The following ROCK1 variants were observed in gnomAD, a reference collection of about 807,000 sequenced individuals.
The protein encoded by ROCK1 is rho-associated protein kinase 1.
A neutral mutation model predicts 196.8 loss-of-function variants in ROCK1; 36 were observed. The ratio of observed to expected loss-of-function variants is 0.18; its 90% CI spans 0.14 to 0.24. The LOEUF (loss-of-function observed/expected upper bound fraction) is 0.24, where lower values mean the gene tolerates loss of function less well. Ranked by LOEUF, ROCK1 falls within the 10% of genes least tolerant of loss-of-function variation. The pLI is 1.00. For missense variants in ROCK1, 920 were observed against 1,562.0 expected (o/e 0.59, Z 6.93); for synonymous variants, 443 against 515.9 (o/e 0.86, Z 1.91).
intron 9 of ROCK1, among the ~76,000 whole-genome samples, chr18:21,035,126 A>C (rs552712126): frequency 2.2e-4 from 34 of 152,314 alleles, no homozygotes; most frequent in African/African-American, 8.2e-4. Context: ...CACAAAAAAC[A>C]AACAAACAAA....
At chr18:21,075,683 G>C (rs765178420) in intron 1 of ROCK1, among the ~76,000 whole-genome samples, 4 of 152,278 alleles carry the variant, frequency 2.6e-5, no homozygotes, top group South Asian at 4.1e-4. Flanking sequence ...GCTGGGCATG[G>C]TGGCTCACAC....
chr18:21,033,465 T>G (rs1224754090), intron 9 of ROCK1, among the ~76,000 whole-genome samples: 2 of 152,044 alleles, frequency 1.3e-5, no homozygotes, highest in Non-Finnish European at 2.9e-5. Flanking sequence ...AACACTTTAC[T>G]GGAAGCTCTA....
chr18:21,026,445 GAAAAAAAAA>G (rs747563785), intron 10 of ROCK1, among the ~76,000 whole-genome samples: 2 of 35,308 alleles, frequency 5.7e-5, no homozygotes, highest in South Asian at 8.6e-4. Flanking sequence ...ACTCTGTCTC[GAAAAAAAAA>G]AAAAAAAAAA....
intron 1 of ROCK1, among the ~76,000 whole-genome samples, chr18:21,101,271 T>C (rs2036657307): frequency 6.6e-6 from 1 of 152,158 alleles, no homozygotes; most frequent in Admixed American, 6.6e-5. Flanking sequence ...GGGATTCAGT[T>C]AAAGATCATG....
At chr18:20,997,758 T>G (rs2035684729) in intron 16 of ROCK1, among the ~76,000 whole-genome samples, 1 of 151,630 alleles carries the variant, frequency 6.6e-6, no homozygotes, top group Non-Finnish European at 1.5e-5. Context: ...CTTGAAAAAT[T>G]CAAAAAAAGT....
Position 21,020,214 on chromosome 18 carries a change from T to C in ROCK1, c.1298A>G (p.Tyr433Cys), listed in dbSNP as rs2035902572. ...ATTATGCAGCTGTTCTTCCAGCTTA[T>C]AGATTGTTTTTTGCAAACTTTCCTG... ...SLQESLQKTIYKLEEQLHNEM... is the reference protein window; with the variant it reads ...SLQESLQKTICKLEEQLHNEM... Residue 433 changes from tyrosine to cysteine, a missense_variant, in exon 12 of 33, where the codon TAT (tyrosine) becomes TGT (cysteine). By Grantham distance (194) the Tyr-to-Cys change is radical. This residue lies in a region of ROCK1 where 520 missense variants were observed against 657.1 expected (regional missense o/e 0.79). Coordinates refer to ENST00000399799, the MANE Select transcript of ROCK1 (RefSeq NM_005406.3). 2.5e-6 allele frequency: 4 copies of C among 1,594,186 alleles called. No individual in the cohort carries two copies. The highest frequency in any genetic ancestry group is 1.8e-5 in the Admixed American group (1 of 56,574).
intron 12 of ROCK1, 142 bp downstream of exon 12, chr18:21,020,009 G>A: frequency 2.2e-6 from 1 of 460,168 alleles, no homozygotes; most frequent in East Asian, 3.7e-5. Flanking sequence ...TTCTAGCCGA[G>A]ACACATCATG....
intron 14 of ROCK1, among the ~76,000 whole-genome samples, chr18:21,007,671 TTC>T (rs1296212149): frequency 6.6e-6 from 1 of 152,098 alleles, no homozygotes; most frequent in Non-Finnish European, 1.5e-5. Flanking sequence ...GGTTTAGAAG[TTC>T]TTAGACGCAG....
intron 6 of ROCK1, 58 bp downstream of exon 6, chr18:21,044,044 T>G (rs2036134188): frequency 9.8e-7 from 1 of 1,023,690 alleles, no homozygotes; most frequent in African/African-American, 1.6e-5. Context: ...TAAACCATTT[T>G]CTAAAGAAGC....
chr18:20,970,821 G>A (rs772619802), intron 22 of ROCK1, among the ~76,000 whole-genome samples: 92 of 152,286 alleles, frequency 6.0e-4, no homozygotes, highest in Middle Eastern at 3.4e-3. Context: ...GGAAGGCAGC[G>A]TGGCATAGTG....
At chr18:20,996,250 C>T (rs1408667858) in intron 16 of ROCK1, among the ~76,000 whole-genome samples, 1 of 152,054 alleles carries the variant, frequency 6.6e-6, no homozygotes, top group African/African-American at 2.4e-5. Context: ...AGCTGAAATT[C>T]CGGAGTTGAA....
At chr18:21,077,478 TC>T (rs1452155019) in intron 1 of ROCK1, among the ~76,000 whole-genome samples, 1 of 152,110 alleles carries the variant, frequency 6.6e-6, no homozygotes, top group Non-Finnish European at 1.5e-5. Flanking sequence ...CTGGTGCTGC[TC>T]ATAAAGGCTA....
At chr18:21,044,523 C>G (rs1404311921) in intron 5 of ROCK1, among the ~76,000 whole-genome samples, 1 of 151,928 alleles carries the variant, frequency 6.6e-6, no homozygotes, top group Non-Finnish European at 1.5e-5. Context: ...TAAAAAAACC[C>G]CACGGCAGGG....
rs2035133536 is a variant in ROCK1 at position 20,946,915 on chromosome 18, TAATTC to T, written c.*4464_*4468del. On this transcript the variant is annotated 3_prime_UTR_variant, in exon 33 of 33. Coordinates refer to ENST00000399799, the MANE Select transcript of ROCK1 (RefSeq NM_005406.3). ...CAGTTATCCAGGCAAATGAACCACT[TAATTC>T]AATTTAATAGCCAAACCATCCTACA... is the stretch of plus-strand genomic sequence containing the variant. 6.6e-6 allele frequency: 1 copy of T among 152,204 alleles called. No homozygotes were observed. The highest frequency in any genetic ancestry group is 1.5e-5 in the Non-Finnish European group (1 of 68,032). 9.4% of individuals were successfully genotyped at this position (152,204 alleles called of 1,614,324 possible). A position where few individuals can be genotyped will look rare whatever the true frequency, so the allele number is the denominator to read the frequency against.
At chr18:21,085,751 G>C (rs1445359766) in intron 1 of ROCK1, among the ~76,000 whole-genome samples, 1 of 152,184 alleles carries the variant, frequency 6.6e-6, no homozygotes, top group African/African-American at 2.4e-5. Context: ...GTGATCTTGA[G>C]CAAGTTATTT....
At position 21,056,866 on chromosome 18, in the gene ROCK1, C is replaced by T. The variant is rs138499104; in HGVS notation, c.176-6986G>A. The stretch of plus-strand genomic sequence containing the variant: ...CAGGTACACTCTCCTCCCTTCAGGC[C>T]TTTGCACTAGCTGCTCCTCTGTATG... On this transcript the variant is annotated intron_variant, in intron 2 of 32. Transcript: ENST00000399799. Among the ~76,000 whole-genome samples, 1,293 of 152,302 alleles carry T rather than the reference C, an allele frequency of 8.5e-3. 5 individuals are homozygous for T. The highest frequency in any genetic ancestry group is 0.014 in the Middle Eastern group (4 of 294).
intron 27 of ROCK1, among the ~76,000 whole-genome samples, chr18:20,963,693 A>G (rs1166047203): frequency 6.6e-6 from 1 of 152,156 alleles, no homozygotes; most frequent in Non-Finnish European, 1.5e-5. Flanking sequence ...GTCTAGGTTA[A>G]CAGTTCCAAA....
Position 20,978,463 on chromosome 18 carries a change from G to A in ROCK1, c.2654+1447C>T, listed in dbSNP as rs185629737. 1.4e-3 allele frequency among the ~76,000 whole-genome samples: 214 copies of A among 152,220 alleles called. 2 individuals carry two copies. The highest frequency in any genetic ancestry group is 3.8e-4 in the Non-Finnish European group (26 of 68,002). ...ATATCTGTACCATCTATTATAATAT[G>A]GTAGACACTAACTGCATGTGACTAC... On this transcript the variant is annotated intron_variant, in intron 22 of 32. Coordinates refer to ENST00000399799, the MANE Select transcript of ROCK1 (RefSeq NM_005406.3).
At chr18:21,054,922 C>A (rs567525085) in intron 2 of ROCK1, among the ~76,000 whole-genome samples, 1 of 152,210 alleles carries the variant, frequency 6.6e-6, no homozygotes, top group South Asian at 2.1e-4. Context: ...AGCTTTCCTG[C>A]TTAGTTCCTC....
Sources: allele counts gnomAD v4.1 joint callset (sites outside exome capture counted in the v4.1 genomes callset), GRCh38; gene constraint gnomAD v4.1.1; regional missense constraint gnomAD v4.1.1; transcripts MANE v1.5; gene names NCBI Gene and HGNC (gene_info 2026-07-23, HGNC 2026-07-21).